The following SLC16A2 variants were observed in gnomAD, a reference collection of about 807,000 sequenced individuals.
SLC16A2 encodes the protein monocarboxylate transporter 8.
A neutral mutation model predicts 27.2 loss-of-function variants in SLC16A2; 3 were observed. The ratio of observed to expected loss-of-function variants is 0.11; its 90% CI spans 0.05 to 0.28. SLC16A2 has a LOEUF of 0.28. Among genes scored for constraint, SLC16A2 ranks in the 10% least tolerant of loss-of-function variants. The probability of loss-of-function intolerance (pLI) is 1.00; values close to 1 mark genes in which losing one functional copy is unlikely to be tolerated. For synonymous variants in SLC16A2, 202 were observed against 187.8 expected (o/e 1.08, Z -0.62); for missense variants, 295 against 458.5 (o/e 0.64, Z 3.26).
chrX:74,452,430 A>T (rs1445173098), intron 1 of SLC16A2, among the ~76,000 whole-genome samples: 3 of 111,749 alleles, frequency 2.7e-5, no homozygotes, highest in Non-Finnish European at 5.6e-5. Flanking sequence ...TTATCTAGTA[A>T]AATGTTTTCC....
At chrX:74,525,711 T>A (rs761663505) in intron 3 of SLC16A2, 39 bp from the exon 4 acceptor site, 1 of 1,208,405 alleles carries the variant, frequency 8.3e-7, no homozygotes, top group Non-Finnish European at 1.1e-6. Flanking sequence ...CTCCTCTTTC[T>A]CCTCCTGTTT....
chrX:74,429,068 G>A (rs376130641), intron 1 of SLC16A2, among the ~76,000 whole-genome samples: 3 of 111,208 alleles, frequency 2.7e-5, no homozygotes, highest in Non-Finnish European at 5.7e-5. Flanking sequence ...AAGTCCTAAC[G>A]AGAGTCAAAA....
intron 2 of SLC16A2, among the ~76,000 whole-genome samples, chrX:74,523,076 G>T (rs910254876): frequency 9.0e-6 from 1 of 111,701 alleles, no homozygotes; most frequent in Non-Finnish European, 1.9e-5. Flanking sequence ...TTCCCTGAAG[G>T]TCTAACACAA....
At chrX:74,504,861 G>A (rs1317299686) in intron 1 of SLC16A2, among the ~76,000 whole-genome samples, 1 of 111,370 alleles carries the variant, frequency 9.0e-6, no homozygotes, top group Non-Finnish European at 1.9e-5. Flanking sequence ...GTGTAATGGC[G>A]CATCTGTAGA....
At chrX:74,459,917 C>T (rs975995766) in intron 1 of SLC16A2, among the ~76,000 whole-genome samples, 2 of 111,584 alleles carry the variant, frequency 1.8e-5, no homozygotes, top group Admixed American at 1.9e-4. Flanking sequence ...TAGCCCATAA[C>T]AGAACAAGTA....
At chrX:74,446,053 T>C (rs892602329) in intron 1 of SLC16A2, among the ~76,000 whole-genome samples, 8 of 111,544 alleles carry the variant, frequency 7.2e-5, no homozygotes, top group South Asian at 7.5e-4. Flanking sequence ...TCTAGACACC[T>C]GGCAAATGAC....
rs765677127 is a variant in SLC16A2 at position 74,435,526 on chromosome X, C to CATATATATGTGT, written c.430+13467_430+13468insGTGTATATATAT. ...ATATGTATATGCATATATATATATGCATATATATATGTATATATATATATA... is the reference window on the plus strand; with the variant it reads ...ATATGTATATGCATATATATATATGCATATATATGTGTATATATATATGTATATATATATATA... On this transcript the variant is annotated intron_variant, in intron 1 of 5. Coordinates refer to ENST00000587091, the MANE Select transcript of SLC16A2 (RefSeq NM_006517.5). Among the ~76,000 whole-genome samples, 296 of 68,393 alleles carry CATATATATGTGT rather than the reference C, an allele frequency of 4.3e-3. 5 individuals carry two copies. The highest frequency in any genetic ancestry group is 5.8e-3 in the Non-Finnish European group (226 of 38,781). 59.4% of individuals were successfully genotyped at this position (68,393 alleles called of 115,157 possible).
chrX:74,495,587 G>A (rs1462572754), intron 1 of SLC16A2, among the ~76,000 whole-genome samples: 7 of 108,457 alleles, frequency 6.5e-5, no homozygotes, highest in Non-Finnish European at 1.2e-4. Context: ...CTGTGACCCT[G>A]GGCAGGGACC....
chrX:74,497,302 G>A (rs775969193), intron 1 of SLC16A2, among the ~76,000 whole-genome samples: 20 of 111,076 alleles, frequency 1.8e-4, no homozygotes, highest in African/African-American at 6.2e-4. Flanking sequence ...CCCATTTCTG[G>A]GGGAGTCAGT....
chrX:74,524,795 C>T lies in SLC16A2; in HGVS notation c.1012C>T (p.Pro338Ser). The T allele has an allele frequency of 8.3e-7, 1 of 1,209,369 alleles. No individual in the cohort carries two copies. The highest frequency in any genetic ancestry group is 1.1e-6 in the Non-Finnish European group (1 of 895,045). The part of the protein sequence containing the change: ...IAAAALGYFV[P>S]YVHLMKYVEE... Reference sequence around the variant, plus strand: ...TGCTGCTGCCCTTGGCTACTTTGTTCCCTATGTACACCTGGTGAGGAATAC... The same window carrying T: ...TGCTGCTGCCCTTGGCTACTTTGTTTCCTATGTACACCTGGTGAGGAATAC... The change falls in exon 3 of 6, where the codon CCC becomes TCC. Residue 338 changes from proline to serine, a missense_variant. Physicochemically the swap from Pro to Ser is moderately conservative, Grantham distance 74 (BLOSUM62 -1). Around this residue, in one of 3 missense-constraint regions of SLC16A2, gnomAD observed 144 missense variants for 219.8 expected, o/e 0.66. Transcript: ENST00000587091.
At chrX:74,506,217 G>T (rs2083747337) in intron 1 of SLC16A2, among the ~76,000 whole-genome samples, 1 of 111,688 alleles carries the variant, frequency 9.0e-6, no homozygotes, top group South Asian at 3.8e-4. Flanking sequence ...CCATTTAAAG[G>T]TTGCAAGGCC....
chrX:74,496,315 C>T (rs1179398272), intron 1 of SLC16A2, among the ~76,000 whole-genome samples: 1 of 110,918 alleles, frequency 9.0e-6, no homozygotes, highest in East Asian at 2.8e-4. Flanking sequence ...GAAGAGATTA[C>T]AAGCATATCT....
At chrX:74,521,201 G>A in intron 2 of SLC16A2, 67 bp downstream of exon 2, 1 of 1,160,952 alleles carries the variant, frequency 8.6e-7, no homozygotes, top group Non-Finnish European at 1.2e-6. Flanking sequence ...GCTTTAGCTA[G>A]GGTTACTTTT....
intron 1 of SLC16A2, among the ~76,000 whole-genome samples, chrX:74,446,776 G>T (rs1928845238): frequency 8.9e-6 from 1 of 112,431 alleles, no homozygotes; most frequent in Admixed American, 9.4e-5. Context: ...AGAATCCTGA[G>T]TTCCAGTAGA....
At chrX:74,464,759 T>C (rs1929219262) in intron 1 of SLC16A2, among the ~76,000 whole-genome samples, 1 of 111,405 alleles carries the variant, frequency 9.0e-6, no homozygotes, top group Admixed American at 9.7e-5. Flanking sequence ...CTCATGCCTG[T>C]AATCCCAGCA....
intron 1 of SLC16A2, among the ~76,000 whole-genome samples, chrX:74,505,723 C>G (rs1403174200): frequency 8.9e-6 from 1 of 112,225 alleles, no homozygotes; most frequent in Admixed American, 9.4e-5. Flanking sequence ...ACCAACCATC[C>G]CAGGTTTCCT....
intron 1 of SLC16A2, among the ~76,000 whole-genome samples, chrX:74,484,631 C>G (rs1929682702): frequency 8.9e-6 from 1 of 112,199 alleles, no homozygotes; most frequent in Non-Finnish European, 1.9e-5. Context: ...TTTTAAGAGT[C>G]CTGGCTGAGG....
At chrX:74,523,914 G>C (rs1172571566) in intron 2 of SLC16A2, among the ~76,000 whole-genome samples, 1 of 111,699 alleles carries the variant, frequency 9.0e-6, no homozygotes, top group African/African-American at 3.3e-5. Context: ...CCAGGATTTT[G>C]ACTTCTTGCA....
At chrX:74,437,011 T>C (rs2147839944) in intron 1 of SLC16A2, among the ~76,000 whole-genome samples, 1 of 112,463 alleles carries the variant, frequency 8.9e-6, no homozygotes, top group African/African-American at 3.2e-5. Flanking sequence ...GCCTGTATGC[T>C]CCTCCCTATG....
Sources: gnomAD v4.1 joint callset for allele counts (sites outside exome capture counted in the v4.1 genomes callset) on GRCh38, gnomAD v4.1.1 for gene constraint, gnomAD v4.1.1 regional missense constraint, MANE v1.5 for transcripts, NCBI Gene and HGNC (gene_info 2026-07-23, HGNC 2026-07-21) for gene names.